Variants in RB1 observed in about 807,000 individuals in gnomAD.
RB1 encodes RB transcriptional corepressor 1, also known as retinoblastoma-associated protein.
A neutral mutation model predicts 135.4 loss-of-function variants in RB1; 18 were observed. The observed-to-expected ratio is 0.13, with a 90% CI of 0.09 to 0.20. The LOEUF (loss-of-function observed/expected upper bound fraction) is 0.20. Ranked by LOEUF, RB1 falls within the 10% of genes least tolerant of loss-of-function variation. RB1 has a pLI of 1.00. For synonymous variants in RB1, 365 were observed against 373.2 expected, an observed-to-expected ratio of 0.98 and a Z score of 0.25; for missense variants, 868 against 1,110.0, an observed-to-expected ratio of 0.78 and a Z score of 3.10.
intron 24 of RB1, among the ~76,000 whole-genome samples, chr13:48,475,587 T>A (rs1165562792): frequency 2.0e-5 from 3 of 152,230 alleles, no homozygotes; most frequent in Non-Finnish European, 4.4e-5. Context: ...ACAGTCTTAT[T>A]GTAATCTAAT....
rs79789088 is a variant in RB1 at position 48,464,696 on chromosome 13, C to T, written c.2212-302C>T. Among the ~76,000 whole-genome samples, 1,517 of 152,240 alleles carry T rather than the reference C, an allele frequency of 1.0e-2. 35 individuals carry two copies. Among genetic ancestry groups the T allele is most frequent in the African/African-American group, 0.035 (1,435 of 41,554 alleles). Reference sequence around the variant, plus strand: ...TTTCCATTCTACCAGTCTATCTACTCCTCTCTTCCCAGTCTATATACTCTT... The same window carrying T: ...TTTCCATTCTACCAGTCTATCTACTTCTCTCTTCCCAGTCTATATACTCTT... On this transcript the variant is annotated intron_variant, in intron 21 of 26. Coordinates refer to ENST00000267163, the MANE Select transcript of RB1 (RefSeq NM_000321.3).
At chr13:48,462,634 G>A (rs1949413400) in intron 20 of RB1, among the ~76,000 whole-genome samples, 1 of 152,128 alleles carries the variant, frequency 6.6e-6, no homozygotes, top group Admixed American at 6.5e-5. Context: ...TCTTGTTATT[G>A]ATGCTTTAGT....
chr13:48,332,601 A>G (rs184827947), intron 2 of RB1, among the ~76,000 whole-genome samples: 5 of 152,308 alleles, frequency 3.3e-5, no homozygotes, highest in East Asian at 3.9e-4. Context: ...AAACAAAAAA[A>G]GTAGTAGTTC....
intron 2 of RB1, chr13:48,328,383 T>A: frequency 6.5e-7 from 1 of 1,527,184 alleles, no homozygotes. Context: ...CTTTGTCGTC[T>A]GACTACCTAT....
intron 17 of RB1, among the ~76,000 whole-genome samples, chr13:48,395,093 A>AC (rs1566204160): frequency 6.6e-6 from 1 of 152,080 alleles, no homozygotes; most frequent in African/African-American, 2.4e-5. Context: ...CACTGGTGAT[A>AC]CCAGGCAAAC....
At chr13:48,411,504 C>T (rs1357480270) in intron 17 of RB1, 1 of 1,612,510 alleles carries the variant, frequency 6.2e-7, no homozygotes, top group South Asian at 1.1e-5. Context: ...CCTGACAGAC[C>T]AGTTTTTCAT....
At chr13:48,424,306 A>G (rs1696847183) in intron 17 of RB1, among the ~76,000 whole-genome samples, 1 of 152,190 alleles carries the variant, frequency 6.6e-6, no homozygotes, top group Admixed American at 6.5e-5. Flanking sequence ...CCTTCCTTTC[A>G]TTATTGTAAA....
rs555510027 is a variant in RB1, at chr13:48,371,437, A to C, written c.1128-1968A>C. Among the ~76,000 whole-genome samples, 265 of 152,288 alleles carry C rather than the reference A, an allele frequency of 1.7e-3. 1 individual carries two copies. The highest frequency in any genetic ancestry group is 2.8e-3 in the Non-Finnish European group (189 of 68,024). ...GAATATGCCTAGGCCTTACTACCAC[A>C]GACATAGTGTATAAAAATCTCTGGG... is the stretch of plus-strand genomic sequence containing the variant. On this transcript the variant is annotated intron_variant, in intron 11 of 26. Coordinates refer to ENST00000267163, the MANE Select transcript of RB1 (RefSeq NM_000321.3).
chr13:48,360,414 G>A (rs1667231215), intron 7 of RB1: 3 of 341,040 alleles, frequency 8.8e-6, no homozygotes, highest in Non-Finnish European at 1.5e-5. Flanking sequence ...TATAAAAGAA[G>A]TAGTATTTGA....
rs1949533192 is a variant in RB1 at position 48,480,652 on chromosome 13, C to A, written c.*581C>A. 4.4e-6 allele frequency: 1 copy of A among 225,446 alleles called. No individual in the cohort carries two copies. The highest frequency in any genetic ancestry group is 2.2e-5 in the African/African-American group (1 of 44,890). 14.0% of individuals were successfully genotyped at this position (225,446 alleles called of 1,614,324 possible). On this transcript the variant is annotated 3_prime_UTR_variant, in exon 27 of 27. Transcript: ENST00000267163. ...TTAGATTTTATTTTACTATTGGAAT[C>A]TGATATACTGTGTGCTTGTTTTATA...
chr13:48,320,178 A>G, intron 2 of RB1: 1 of 892,998 alleles, frequency 1.1e-6, no homozygotes, highest in Non-Finnish European at 1.7e-6. Flanking sequence ...GGTCAAAGTC[A>G]GCAACAAGAC....
chr13:48,421,723 T>A (rs1949007901), intron 17 of RB1, among the ~76,000 whole-genome samples: 1 of 152,194 alleles, frequency 6.6e-6, no homozygotes. Context: ...GAACTGACAC[T>A]TCTCAAAAGA....
intron 2 of RB1, among the ~76,000 whole-genome samples, chr13:48,313,788 GC>G (rs1347639280): frequency 8.7e-6 from 1 of 114,540 alleles, no homozygotes; most frequent in African/African-American, 3.2e-5. Context: ...TCGCTCTGTC[GC>G]CCAGGCTGGA....
At chr13:48,373,524 A>C (rs1479326604) in intron 12 of RB1, 32 bp downstream of exon 12, 2 of 1,363,370 alleles carry the variant, frequency 1.5e-6, no homozygotes, top group African/African-American at 2.9e-5. Context: ...ATTTATTGTA[A>C]TATCTTGGCA....
chr13:48,368,835 G>A (rs572764242), intron 11 of RB1, among the ~76,000 whole-genome samples: 10 of 152,112 alleles, frequency 6.6e-5, no homozygotes, highest in South Asian at 2.1e-4. Flanking sequence ...GTGAAACCCC[G>A]TCTCTACTAG....
Position 48,303,938 on chromosome 13 carries a change from C to G in RB1, c.26C>G (p.Thr9Arg), listed in dbSNP as rs1952051803. The change falls in exon 1 of 27, where the codon ACG (threonine) becomes AGG (arginine). Residue 9 changes from threonine to arginine, a missense_variant. Around this residue, in one of 3 missense-constraint regions of RB1, gnomAD observed 641 missense variants for 791.3 expected, o/e 0.81. Coordinates refer to ENST00000267163, the MANE Select transcript of RB1 (RefSeq NM_000321.3). Reference sequence around the variant, plus strand: ...ATGCCGCCCAAAACCCCCCGAAAAACGGCCGCCACCGCCGCCGCTGCCGCC... The same window carrying G: ...ATGCCGCCCAAAACCCCCCGAAAAAGGGCCGCCACCGCCGCCGCTGCCGCC... MPPKTPRK[T>R]AATAAAAAAE... is the part of the protein sequence containing the mutation. 6.6e-7 allele frequency: 1 copy of G among 1,509,898 alleles called. No homozygotes were observed. The highest frequency in any genetic ancestry group is 8.8e-7 in the Non-Finnish European group (1 of 1,136,592). 93.5% of individuals were successfully genotyped at this position (1,509,898 alleles called of 1,614,324 possible).
At position 48,478,919 on chromosome 13, in the gene RB1, A is replaced by G. The variant is rs540337273; in HGVS notation, c.2714-1079A>G. Among the ~76,000 whole-genome samples the G allele has an allele frequency of 3.3e-5, 5 of 152,284 alleles. No individual in the cohort carries two copies. The South Asian group carries it at 1.0e-3, about 32-fold the overall frequency. ...GGCTTTGTCTATATTGTAATTCATA[A>G]TATGCTTTTAACATGGCCATGCCCC... On this transcript the variant is annotated intron_variant, in intron 26 of 26. Coordinates refer to ENST00000267163, the MANE Select transcript of RB1 (RefSeq NM_000321.3).
chr13:48,338,642 G>A (rs1952409170), intron 2 of RB1, among the ~76,000 whole-genome samples: 2 of 152,196 alleles, frequency 1.3e-5, no homozygotes, highest in South Asian at 4.1e-4. Flanking sequence ...CTTTAGCTCG[G>A]AGAAGTTTGA....
intron 1 of RB1, among the ~76,000 whole-genome samples, chr13:48,306,891 T>C (rs1412206402): frequency 6.6e-6 from 1 of 152,246 alleles, no homozygotes; most frequent in Non-Finnish European, 1.5e-5. Flanking sequence ...GACTACAGTT[T>C]AACAAAGTCA....
Sources: gnomAD v4.1 joint callset for allele counts (sites outside exome capture counted in the v4.1 genomes callset) on GRCh38, gnomAD v4.1.1 for gene constraint, gnomAD v4.1.1 regional missense constraint, MANE v1.5 for transcripts, NCBI Gene and HGNC (gene_info 2026-07-23, HGNC 2026-07-21) for gene names.